DIP2B: variants seen among roughly 807,000 people sequenced by gnomAD.
DIP2B encodes the protein DIP2 acetate--CoA ligase B (putative), also known as disco-interacting protein 2 homolog B.
Under a neutral mutation model 198.0 loss-of-function variants are expected in DIP2B, and 76 were observed. The ratio of observed to expected loss-of-function variants is 0.38; its 90% confidence interval spans 0.32 to 0.46. The LOEUF (loss-of-function observed/expected upper bound fraction) is 0.46. Among genes scored for constraint, DIP2B ranks in the 20% least tolerant of loss-of-function variants. The probability of loss-of-function intolerance (pLI) is 0.99; values close to 1 mark genes in which losing one functional copy is unlikely to be tolerated. For synonymous variants in DIP2B, 701 were observed against 739.1 expected, an observed-to-expected ratio of 0.95 and a Z score of 0.84; for missense variants, 1,559 against 1,978.4, an observed-to-expected ratio of 0.79 and a Z score of 4.02.
intron 37 of DIP2B, 73 bp from the exon 38 acceptor site, chr12:50,744,514 G>T: frequency 1.3e-6 from 2 of 1,587,070 alleles, no homozygotes; most frequent in Non-Finnish European, 1.7e-6. Flanking sequence ...AATGGGCTAA[G>T]TCTGGGACAG....
At chr12:50,617,962 T>G (rs113812549) in intron 1 of DIP2B, among the ~76,000 whole-genome samples, 24 of 152,206 alleles carry the variant, frequency 1.6e-4, no homozygotes, top group Non-Finnish European at 1.0e-4. Flanking sequence ...CAGGTTTAAT[T>G]TTTTTAAATT....
In DIP2B at chr12:50,660,218, C is replaced by G. The variant is rs1938621868; in HGVS notation, c.326C>G (p.Ala109Gly). The G allele has an allele frequency of 1.2e-6, 2 of 1,612,278 alleles. No individual in the cohort carries two copies. The highest frequency in any genetic ancestry group is 2.2e-5 in the South Asian group (2 of 90,534). Residue 109 changes from alanine to glycine, a missense_variant, in exon 4 of 38, where the codon GCT (alanine) becomes GGT (glycine). Physicochemically the swap from Ala to Gly is moderately conservative, Grantham distance 60 (BLOSUM62 0). Coordinates refer to ENST00000301180, the MANE Select transcript of DIP2B (RefSeq NM_173602.3). Reference sequence around the variant, plus strand: ...GATATCCACACAGAAGCAGTTCAGGCTGCACTGGCAAAGCATAAAGAACAG... The same window carrying G: ...GATATCCACACAGAAGCAGTTCAGGGTGCACTGGCAAAGCATAAAGAACAG... ...RSDIHTEAVQ[A>G]ALAKHKEQKM...
At chr12:50,597,707 T>C (rs976605734) in intron 1 of DIP2B, among the ~76,000 whole-genome samples, 1 of 152,218 alleles carries the variant, frequency 6.6e-6, no homozygotes, top group Non-Finnish European at 1.5e-5. Context: ...TGATACAGAC[T>C]GGCAAGTGTG....
intron 36 of DIP2B, 148 bp from the exon 37 acceptor site, chr12:50,741,268 C>A: frequency 1.2e-6 from 1 of 857,648 alleles, no homozygotes; most frequent in Non-Finnish European, 1.7e-6. Context: ...CAGCAGGATT[C>A]AGAGCCTTAA....
intron 1 of DIP2B, among the ~76,000 whole-genome samples, chr12:50,525,357 CAAAAA>C (rs71083585): frequency 9.4e-6 from 1 of 105,848 alleles, no homozygotes. Flanking sequence ...GACTCCATCT[CAAAAA>C]AAAAAAAAAA....
At chr12:50,727,011 A>G (rs1163688552) in intron 28 of DIP2B, among the ~76,000 whole-genome samples, 2 of 152,080 alleles carry the variant, frequency 1.3e-5, no homozygotes, top group African/African-American at 4.8e-5. Flanking sequence ...CCAGCTGCTC[A>G]GGAGGCTGAG....
At chr12:50,561,395 A>G (rs1408077924) in intron 1 of DIP2B, among the ~76,000 whole-genome samples, 2 of 151,696 alleles carry the variant, frequency 1.3e-5, no homozygotes, top group African/African-American at 2.4e-5. Context: ...TTTATTCACT[A>G]CCTCCATCTT....
intron 1 of DIP2B, among the ~76,000 whole-genome samples, chr12:50,617,808 CA>C (rs566660783): frequency 8.9e-4 from 135 of 152,026 alleles, no homozygotes; most frequent in African/African-American, 3.1e-3. Flanking sequence ...GACTCCATCT[CA>C]AAAAAATAAA....
intron 1 of DIP2B, among the ~76,000 whole-genome samples, chr12:50,560,640 G>A (rs1191040431): frequency 1.3e-5 from 2 of 151,520 alleles, no homozygotes; most frequent in Non-Finnish European, 2.9e-5. Flanking sequence ...AATCCCAGCT[G>A]CTTGGGAGGC....
At chr12:50,528,535 G>A (rs1000059558) in intron 1 of DIP2B, among the ~76,000 whole-genome samples, 3 of 151,914 alleles carry the variant, frequency 2.0e-5, no homozygotes, top group Non-Finnish European at 2.9e-5. Context: ...ATTTCCAAAC[G>A]TCCATCCATG....
intron 29 of DIP2B, 103 bp downstream of exon 29, chr12:50,727,915 G>A: frequency 1.1e-6 from 1 of 909,602 alleles, no homozygotes; most frequent in Non-Finnish European, 1.7e-6. Context: ...CCAGAGACCG[G>A]TAGGCAGAGT....
chr12:50,513,286 ACCTATAC>A (rs1958034493), intron 1 of DIP2B, among the ~76,000 whole-genome samples: 1 of 152,162 alleles, frequency 6.6e-6, no homozygotes, highest in Admixed American at 6.5e-5. Context: ...TCCTGTTGGC[ACCTATAC>A]CCTATACCCT....
chr12:50,645,631 T>G (rs1020854458), intron 3 of DIP2B, among the ~76,000 whole-genome samples: 25 of 152,038 alleles, frequency 1.6e-4, no homozygotes, highest in African/African-American at 6.0e-4. Flanking sequence ...TTAACTTATT[T>G]TATTTTTTGT....
intron 1 of DIP2B, among the ~76,000 whole-genome samples, chr12:50,518,364 A>G (rs1187242992): frequency 1.3e-5 from 2 of 151,948 alleles, no homozygotes; most frequent in Non-Finnish European, 2.9e-5. Flanking sequence ...AGCTGGGATT[A>G]CAGGCACCCG....
At chr12:50,732,999 G>A (rs866565821) in intron 32 of DIP2B, among the ~76,000 whole-genome samples, 1 of 151,964 alleles carries the variant, frequency 6.6e-6, no homozygotes, top group Non-Finnish European at 1.5e-5. Context: ...TCCACCTCCT[G>A]GGTTCAAGCG....
intron 3 of DIP2B, among the ~76,000 whole-genome samples, chr12:50,645,706 G>A (rs1052929996): frequency 6.6e-6 from 1 of 152,000 alleles, no homozygotes; most frequent in Admixed American, 6.6e-5. Flanking sequence ...CAATCCTCCC[G>A]CCTTGGCCTC....
intron 8 of DIP2B, chr12:50,679,967 TA>T (rs918097050): frequency 1.3e-5 from 2 of 152,154 alleles, no homozygotes; most frequent in African/African-American, 4.8e-5. Flanking sequence ...GTAAATTTTT[TA>T]AAAAACTGGC....
chr12:50,530,576 G>A (rs1958208400), intron 1 of DIP2B, among the ~76,000 whole-genome samples: 1 of 152,156 alleles, frequency 6.6e-6, no homozygotes, highest in South Asian at 2.1e-4. Flanking sequence ...GTGCAAAATA[G>A]CCTTAAATAA....
chr12:50,661,094 A>AT (rs925729632), intron 4 of DIP2B, among the ~76,000 whole-genome samples: 9 of 151,922 alleles, frequency 5.9e-5, no homozygotes, highest in East Asian at 1.9e-4. Flanking sequence ...CTTAAAAAAA[A>AT]TTTTTTTTGA....
Sources: gnomAD v4.1 joint callset for allele counts (sites outside exome capture counted in the v4.1 genomes callset) on GRCh38, gnomAD v4.1.1 for gene constraint, MANE v1.5 for transcripts, NCBI Gene and HGNC (gene_info 2026-07-23, HGNC 2026-07-21) for gene names.